The following FBXL7 variants were observed in gnomAD, a reference collection of about 807,000 sequenced individuals.
The protein encoded by FBXL7 is F-box and leucine rich repeat protein 7, also known as F-box/LRR-repeat protein 7.
FBXL7 carries 12 observed loss-of-function variants against 38.3 expected under a neutral mutation model. The ratio of observed to expected loss-of-function variants is 0.31; its 90% CI spans 0.20 to 0.51. FBXL7 has a LOEUF of 0.51. FBXL7 is among the 20% of genes least tolerant of loss of function. The pLI is 0.98. For missense variants in FBXL7, 567 were observed against 676.4 expected (o/e 0.84, Z 1.79); for synonymous variants, 297 against 300.9 (o/e 0.99, Z 0.13).
At chr5:15,766,438 T>G (rs1356284245) in intron 2 of FBXL7, among the ~76,000 whole-genome samples, 1 of 152,140 alleles carries the variant, frequency 6.6e-6, no homozygotes, top group East Asian at 1.9e-4. Context: ...CTAGTCAAGG[T>G]TTACTGATTT....
chr5:15,814,425 T>G (rs1737956452), intron 2 of FBXL7, among the ~76,000 whole-genome samples: 1 of 151,908 alleles, frequency 6.6e-6, no homozygotes, highest in Non-Finnish European at 1.5e-5. Context: ...TGGGGCCTGT[T>G]GGGGTTGGAG....
chr5:15,606,043 T>C (rs1459742223), intron 1 of FBXL7, among the ~76,000 whole-genome samples: 1 of 152,216 alleles, frequency 6.6e-6, no homozygotes, highest in Non-Finnish European at 1.5e-5. Context: ...ATTTTAACAT[T>C]ACAAAAAGAA....
chr5:15,861,670 G>A (rs369812752), intron 2 of FBXL7, among the ~76,000 whole-genome samples: 4 of 152,332 alleles, frequency 2.6e-5, no homozygotes, highest in East Asian at 1.9e-4. Flanking sequence ...ATGAACAGAA[G>A]AGAGAGAGCT....
At chr5:15,826,778 C>T (rs567624825) in intron 2 of FBXL7, among the ~76,000 whole-genome samples, 9 of 152,198 alleles carry the variant, frequency 5.9e-5, no homozygotes, top group Non-Finnish European at 1.2e-4. Context: ...GAGACCTAGT[C>T]GTATGCCTAG....
At chr5:15,517,574 G>A (rs1377056028) in intron 1 of FBXL7, among the ~76,000 whole-genome samples, 4 of 152,194 alleles carry the variant, frequency 2.6e-5, no homozygotes, top group African/African-American at 4.8e-5. Context: ...TGAGCTGAGC[G>A]TCACACCTGG....
Position 15,936,078 on chromosome 5 carries a change from C to T in FBXL7, c.740-372C>T, listed in dbSNP as rs1171500123. On this transcript the variant is annotated intron_variant, in intron 3 of 3. Transcript: ENST00000504595. The surrounding 1 kb of genome is among the most constrained non-coding windows in gnomAD (Gnocchi z 6.0). ...CCAAGGCAAGATATTTACACACATC[C>T]TCTCATTACTCCATCCCAGCTGCCT... 6.6e-6 allele frequency among the ~76,000 whole-genome samples: 1 copy of T among 152,204 alleles called. No homozygotes were observed. The highest frequency in any genetic ancestry group is 6.5e-5 in the Admixed American group (1 of 15,282).
At chr5:15,655,424 G>GT (rs1157755709) in intron 2 of FBXL7, among the ~76,000 whole-genome samples, 1 of 151,498 alleles carries the variant, frequency 6.6e-6, no homozygotes. Flanking sequence ...AACCCAGGAG[G>GT]TTGAGGTTGC....
At chr5:15,518,262 C>T (rs1002834969) in intron 1 of FBXL7, among the ~76,000 whole-genome samples, 11 of 152,106 alleles carry the variant, frequency 7.2e-5, no homozygotes, top group Admixed American at 5.2e-4. Context: ...CCACCGTGCC[C>T]GGCCACAGGT....
At chr5:15,521,134 T>C (rs1737086932) in intron 1 of FBXL7, among the ~76,000 whole-genome samples, 2 of 152,236 alleles carry the variant, frequency 1.3e-5, no homozygotes, top group African/African-American at 2.4e-5. Flanking sequence ...TCTTAACCTA[T>C]CTGTGCCTCA....
At chr5:15,878,265 G>A (rs532354852) in intron 2 of FBXL7, among the ~76,000 whole-genome samples, 1 of 152,202 alleles carries the variant, frequency 6.6e-6, no homozygotes, top group Non-Finnish European at 1.5e-5. Context: ...TATAATGGAA[G>A]CTGTTTAGGG....
At chr5:15,565,220 A>G (rs1738533042) in intron 1 of FBXL7, among the ~76,000 whole-genome samples, 1 of 152,132 alleles carries the variant, frequency 6.6e-6, no homozygotes. Context: ...TCAAGTCTCC[A>G]TGAAGAAAAT....
At chr5:15,822,802 G>C (rs1375463291) in intron 2 of FBXL7, among the ~76,000 whole-genome samples, 1 of 152,076 alleles carries the variant, frequency 6.6e-6, no homozygotes, top group Non-Finnish European at 1.5e-5. Flanking sequence ...AAGGCACACA[G>C]AGATAGAATA....
At chr5:15,550,906 G>A (rs1316712834) in intron 1 of FBXL7, among the ~76,000 whole-genome samples, 1 of 152,202 alleles carries the variant, frequency 6.6e-6, no homozygotes, top group Non-Finnish European at 1.5e-5. Flanking sequence ...CTTTGGAGCA[G>A]CTGAAACAGT....
At chr5:15,503,150 G>A (rs117903964) in intron 1 of FBXL7, among the ~76,000 whole-genome samples, 135 of 152,328 alleles carry the variant, frequency 8.9e-4, no homozygotes, top group African/African-American at 3.2e-3. Context: ...GTCGGGCGCG[G>A]TGGCCCACAC....
chr5:15,822,343 C>A (rs990777143), intron 2 of FBXL7, among the ~76,000 whole-genome samples: 1 of 152,140 alleles, frequency 6.6e-6, no homozygotes, highest in African/African-American at 2.4e-5. Context: ...GCCTGGGTGA[C>A]AGAGCACGAC....
chr5:15,915,876 G>A (rs1435514568), intron 2 of FBXL7, among the ~76,000 whole-genome samples: 1 of 152,160 alleles, frequency 6.6e-6, no homozygotes, highest in Non-Finnish European at 1.5e-5. Context: ...GGGAGCAGTG[G>A]AGAGAGAAGG....
chr5:15,629,027 G>A (rs951488403), intron 2 of FBXL7, among the ~76,000 whole-genome samples: 1 of 151,866 alleles, frequency 6.6e-6, no homozygotes, highest in African/African-American at 2.4e-5. Context: ...CATGTAATCT[G>A]TGCACTTTGG....
At chr5:15,736,403 A>C (rs960427008) in intron 2 of FBXL7, among the ~76,000 whole-genome samples, 1 of 152,210 alleles carries the variant, frequency 6.6e-6, no homozygotes, top group Non-Finnish European at 1.5e-5. Flanking sequence ...AATAAGTTGA[A>C]TATGCAAGTA....
chr5:15,928,450 G>A lies in FBXL7; in HGVS notation c.688G>A (p.Val230Ile), dbSNP rs201326066. The change falls in exon 3 of 4, where the codon GTC becomes ATC. Residue 230 changes from valine (V) to isoleucine (I), a missense_variant. Transcript: ENST00000504595. The surrounding 1 kb of genome is among the most constrained non-coding windows in gnomAD (Gnocchi z 4.0). Reference protein sequence around the residue: ...SGCYNISNEAVFDVVSLCPNL... With the variant: ...SGCYNISNEAIFDVVSLCPNL... ...CTGTTACAATATCTCCAACGAGGCC[G>A]TCTTTGATGTGGTGTCCCTCTGCCC... is the stretch of plus-strand genomic sequence containing the variant. 3.2e-4 allele frequency: 513 copies of A among 1,613,974 alleles called. No homozygotes were observed. The highest frequency in any genetic ancestry group is 6.5e-4 in the African/African-American group (49 of 75,056).
Sources: allele counts gnomAD v4.1 joint callset (sites outside exome capture counted in the v4.1 genomes callset), GRCh38; gene constraint gnomAD v4.1.1; non-coding constraint Gnocchi (gnomAD v3.1); transcripts MANE v1.5; gene names NCBI Gene and HGNC (gene_info 2026-07-23, HGNC 2026-07-21).